The following GJB7 variants were observed in gnomAD, a reference collection of about 807,000 sequenced individuals.
The protein encoded by GJB7 is gap junction protein beta 7, also known as gap junction beta-7 protein.
For synonymous variants in GJB7, 87 were observed against 95.2 expected (o/e 0.91, Z 0.50); for missense variants, 253 against 256.8 (o/e 0.99, Z 0.10).
At chr6:87,305,492 G>T (rs1481882176) in intron 2 of GJB7, among the ~76,000 whole-genome samples, 2 of 152,092 alleles carry the variant, frequency 1.3e-5, no homozygotes, top group African/African-American at 4.8e-5. Flanking sequence ...CCTCTTCAAG[G>T]AGAACTACAA....
chr6:87,325,913 G>A (rs201515542), intron 1 of GJB7, among the ~76,000 whole-genome samples: 1 of 151,980 alleles, frequency 6.6e-6, no homozygotes, highest in Non-Finnish European at 1.5e-5. Context: ...TTTTTGGTTG[G>A]TAAGCTATTG....
chr6:87,305,567 G>C (rs1263023833), intron 2 of GJB7, among the ~76,000 whole-genome samples: 5 of 152,158 alleles, frequency 3.3e-5, no homozygotes, highest in Non-Finnish European at 7.3e-5. Context: ...CTCATGGATA[G>C]GAAGAATCAA....
intron 2 of GJB7, among the ~76,000 whole-genome samples, chr6:87,286,149 G>A (rs969457081): frequency 5.3e-5 from 8 of 151,972 alleles, no homozygotes; most frequent in African/African-American, 1.5e-4. Context: ...CCATGGATTC[G>A]ACTTCTGCTT....
intron 2 of GJB7, among the ~76,000 whole-genome samples, chr6:87,319,330 C>T (rs1776625341): frequency 8.5e-5 from 13 of 152,220 alleles, no homozygotes; most frequent in Admixed American, 8.5e-4. Flanking sequence ...TGGGCAAGGC[C>T]TTCAGGCTTT....
At chr6:87,291,352 C>A (rs1456650887) in intron 2 of GJB7, among the ~76,000 whole-genome samples, 1 of 152,126 alleles carries the variant, frequency 6.6e-6, no homozygotes, top group East Asian at 1.9e-4. Flanking sequence ...CACTAGGAAT[C>A]CATGAAATAC....
chr6:87,318,060 T>C (rs1218250458), intron 2 of GJB7, among the ~76,000 whole-genome samples: 1 of 151,380 alleles, frequency 6.6e-6, no homozygotes, highest in Non-Finnish European at 1.5e-5. Context: ...CTGCTAAAAT[T>C]ATATGGAAGA....
intron 2 of GJB7, among the ~76,000 whole-genome samples, chr6:87,292,875 T>C (rs1776198463): frequency 6.6e-6 from 1 of 152,172 alleles, no homozygotes; most frequent in South Asian, 2.1e-4. Flanking sequence ...GTCTCAGAGC[T>C]CTTTCCTTCA....
chr6:87,301,051 G>A (rs1776313938), intron 2 of GJB7, among the ~76,000 whole-genome samples: 1 of 152,194 alleles, frequency 6.6e-6, no homozygotes. Flanking sequence ...TAGAGGGGCG[G>A]TTCCAATATG....
chr6:87,300,311 A>G (rs1423722342), intron 2 of GJB7: 1 of 180,136 alleles, frequency 5.6e-6, no homozygotes, highest in Non-Finnish European at 1.2e-5. Context: ...TTGACCCAAC[A>G]AACATTGTGA....
chr6:87,326,463 T>G (rs1045050225), intron 1 of GJB7, among the ~76,000 whole-genome samples: 1 of 152,198 alleles, frequency 6.6e-6, no homozygotes, highest in Non-Finnish European at 1.5e-5. Context: ...TCTGGTATTT[T>G]GTGTCTTTGT....
intron 2 of GJB7, among the ~76,000 whole-genome samples, chr6:87,301,049 C>G (rs550320231): frequency 6.6e-6 from 1 of 152,118 alleles, no homozygotes; most frequent in Admixed American, 6.5e-5. Context: ...ATTAGAGGGG[C>G]GGTTCCAATA....
chr6:87,293,288 CAA>C (rs1007697822), intron 2 of GJB7, among the ~76,000 whole-genome samples: 1 of 152,202 alleles, frequency 6.6e-6, no homozygotes, highest in Non-Finnish European at 1.5e-5. Flanking sequence ...CTCGGCCTCC[CAA>C]AGTGTTGGGA....
At chr6:87,306,488 C>G (rs886643955) in intron 2 of GJB7, among the ~76,000 whole-genome samples, 4 of 152,132 alleles carry the variant, frequency 2.6e-5, no homozygotes, top group South Asian at 4.1e-4. Context: ...CCATCTCACA[C>G]CAGTTAGAAT....
intron 2 of GJB7, among the ~76,000 whole-genome samples, chr6:87,292,926 A>G (rs749741002): frequency 3.0e-4 from 46 of 152,244 alleles, no homozygotes; most frequent in Admixed American, 5.2e-4. Flanking sequence ...GAGTTTCAGC[A>G]CAGGTTCTCT....
Position 87,284,304 on chromosome 6 carries a change from G to A in GJB7, c.609C>T (p.Leu203=), listed in dbSNP as rs959181572. The A allele has an allele frequency of 2.5e-6, 4 of 1,613,788 alleles. No individual in the cohort carries two copies. Among genetic ancestry groups the A allele is most frequent in the Non-Finnish European group, 2.5e-6 (3 of 1,179,948 alleles). Residue 203 remains leucine, a synonymous_variant, in exon 3 of 3, where the codon CTC becomes CTT. Coordinates refer to ENST00000525899, the MANE Select transcript of GJB7 (RefSeq NM_198568.3). ...GGAGACAGCACTTAATAAAGCACTT[G>A]AGAACCAAAAAACTCAGTTCAATGA... The part of the protein sequence containing the change: ...LNFIELSFLV[L]KCFIKCCLQK...
chr6:87,299,320 A>AAT (rs1293546274), intron 2 of GJB7: 5 of 478,602 alleles, frequency 1.0e-5, no homozygotes, highest in Non-Finnish European at 2.1e-5. Flanking sequence ...TTCTGATGCA[A>AAT]ATAAATTTGG....
At chr6:87,305,431 C>T (rs1419854867) in intron 2 of GJB7, among the ~76,000 whole-genome samples, 3 of 152,026 alleles carry the variant, frequency 2.0e-5, no homozygotes, top group Non-Finnish European at 2.9e-5. Context: ...TCACAATTGC[C>T]TCAAAGAGAA....
At chr6:87,295,590 T>C (rs1007998393) in intron 2 of GJB7, among the ~76,000 whole-genome samples, 1 of 152,190 alleles carries the variant, frequency 6.6e-6, no homozygotes, top group Non-Finnish European at 1.5e-5. Flanking sequence ...GGTCACATTT[T>C]AGCACCATTT....
chr6:87,315,795 C>CAAAAAA (rs1161194601), intron 2 of GJB7, among the ~76,000 whole-genome samples: 10 of 72,344 alleles, frequency 1.4e-4, no homozygotes, highest in African/African-American at 2.5e-4. Flanking sequence ...GACTCTATCT[C>CAAAAAA]AAAAAAAAAA....
Sources: gnomAD v4.1 joint callset for allele counts (sites outside exome capture counted in the v4.1 genomes callset) on GRCh38, gnomAD v4.1.1 for gene constraint, MANE v1.5 for transcripts, NCBI Gene and HGNC (gene_info 2026-07-23, HGNC 2026-07-21) for gene names.